APBB2: variants seen among roughly 807,000 people sequenced by gnomAD.
APBB2 encodes amyloid beta precursor protein binding family B member 2, also known as Fe65-like 1.
In APBB2, 38 loss-of-function variants were observed where a neutral mutation model predicts 82.5. The ratio of observed to expected loss-of-function variants is 0.46; its 90% CI spans 0.36 to 0.60. The LOEUF is 0.60. Among genes scored for constraint, APBB2 ranks in the 20% least tolerant of loss-of-function variants. The pLI, the probability that APBB2 is intolerant of heterozygous loss-of-function variation, is 0.00. For missense variants in APBB2, 772 were observed against 972.3 expected (o/e 0.79, Z 2.74); for synonymous variants, 341 against 368.2 (o/e 0.93, Z 0.85).
At chr4:41,019,560 G>A (rs16852720) in intron 5 of APBB2, among the ~76,000 whole-genome samples, 5,713 of 152,220 alleles carry the variant, frequency 0.038, 202 homozygotes, top group African/African-American at 0.097. Flanking sequence ...GGGAGACAAC[G>A]TTCAGAAATA....
chr4:40,862,423 G>A (rs550576427), intron 12 of APBB2, among the ~76,000 whole-genome samples: 1 of 152,312 alleles, frequency 6.6e-6, no homozygotes, highest in South Asian at 2.1e-4. Context: ...GAGGATAAGG[G>A]AATCCCTGAA....
intron 7 of APBB2, among the ~76,000 whole-genome samples, chr4:40,937,625 T>C (rs555624936): frequency 6.6e-6 from 1 of 152,326 alleles, no homozygotes; most frequent in South Asian, 2.1e-4. Context: ...AGTAAGGAAA[T>C]GGAAACTGGC....
intron 4 of APBB2, among the ~76,000 whole-genome samples, chr4:41,035,235 C>T (rs574309251): frequency 3.2e-4 from 49 of 152,298 alleles, no homozygotes; most frequent in Non-Finnish European, 5.7e-4. Context: ...CTAATCTAAC[C>T]TTTCCAAACT....
At chr4:41,130,856 G>A (rs1028092564) in intron 2 of APBB2, among the ~76,000 whole-genome samples, 3 of 151,936 alleles carry the variant, frequency 2.0e-5, no homozygotes, top group African/African-American at 7.3e-5. Context: ...AAGCTTCCTA[G>A]GATGGTCTGA....
intron 4 of APBB2, among the ~76,000 whole-genome samples, chr4:41,047,743 G>A (rs1365630065): frequency 6.6e-6 from 1 of 152,224 alleles, no homozygotes; most frequent in Non-Finnish European, 1.5e-5. Flanking sequence ...GAAGTAGAAA[G>A]TGGGATGAAG....
chr4:40,825,862 G>T, intron 15 of APBB2, 25 bp downstream of exon 15: 2 of 1,603,858 alleles, frequency 1.2e-6, no homozygotes, highest in Non-Finnish European at 1.7e-6. Context: ...TTGCAAAGTG[G>T]AAAGACAATA....
intron 6 of APBB2, 54 bp downstream of exon 6, chr4:41,013,529 G>GA (rs1808972493): frequency 1.3e-6 from 2 of 1,516,020 alleles, no homozygotes; most frequent in Non-Finnish European, 1.8e-6. Context: ...TCCAATAGTT[G>GA]AAAAGATAAA....
At chr4:41,149,303 TAGAA>T (rs1462260574) in intron 1 of APBB2, among the ~76,000 whole-genome samples, 1 of 152,184 alleles carries the variant, frequency 6.6e-6, no homozygotes, top group Non-Finnish European at 1.5e-5. Context: ...TAAATTATTT[TAGAA>T]ACTAAACTCA....
intron 1 of APBB2, among the ~76,000 whole-genome samples, chr4:41,190,628 A>C (rs1774178324): frequency 6.6e-6 from 1 of 152,144 alleles, no homozygotes; most frequent in Non-Finnish European, 1.5e-5. Context: ...CAGCATGGAA[A>C]AGGGATATGC....
At chr4:41,052,206 AAAAT>A (rs1314937443) in intron 4 of APBB2, among the ~76,000 whole-genome samples, 1 of 66,512 alleles carries the variant, frequency 1.5e-5, no homozygotes, top group Non-Finnish European at 2.9e-5. Context: ...TGTCTGTACA[AAAAT>A]ACATACATAC....
intron 4 of APBB2, among the ~76,000 whole-genome samples, chr4:41,059,692 T>C (rs1404173384): frequency 2.6e-5 from 4 of 152,400 alleles, no homozygotes; most frequent in South Asian, 2.1e-4. Context: ...CCTTAAGTGA[T>C]ACTTTTAGTT....
chr4:40,974,043 G>A (rs1199571277), intron 6 of APBB2, among the ~76,000 whole-genome samples: 1 of 151,808 alleles, frequency 6.6e-6, no homozygotes, highest in Admixed American at 6.6e-5. Context: ...TAGTAGAGAC[G>A]GGGTTTCATT....
intron 6 of APBB2, among the ~76,000 whole-genome samples, chr4:40,953,352 C>T (rs1387176013): frequency 6.7e-6 from 1 of 149,624 alleles, no homozygotes; most frequent in Non-Finnish European, 1.5e-5. Flanking sequence ...AGATGGACAG[C>T]ATTGGGAAAT....
chr4:41,017,867 G>A (rs1206382878), intron 5 of APBB2, among the ~76,000 whole-genome samples: 2 of 152,132 alleles, frequency 1.3e-5, no homozygotes, highest in Non-Finnish European at 2.9e-5. Context: ...GGGTTTAAGA[G>A]GATAGAGGTT....
At position 40,942,170 on chromosome 4, in the gene APBB2, C is replaced by T. The variant is rs568092577; in HGVS notation, c.1044+2695G>A. On this transcript the variant is annotated intron_variant, in intron 7 of 17. Transcript: ENST00000508593. ...CTTGGTTCTTTGACTTAACGGAGGACCTTATGTAGGGGGAGAAACACGTGT... is the reference window on the plus strand; with the variant it reads ...CTTGGTTCTTTGACTTAACGGAGGATCTTATGTAGGGGGAGAAACACGTGT... 4.8e-4 allele frequency among the ~76,000 whole-genome samples: 73 copies of T among 152,002 alleles called. 1 individual carries two copies. Among genetic ancestry groups the T allele is most frequent in the Non-Finnish European group, 9.7e-4 (66 of 68,012 alleles).
intron 7 of APBB2, chr4:40,935,377 AC>A: frequency 2.1e-6 from 1 of 486,966 alleles, no homozygotes; most frequent in Non-Finnish European, 3.6e-6. Context: ...AAATGACTAA[AC>A]ATTATTAGAA....
chr4:40,970,690 G>C (rs4861345), intron 6 of APBB2, among the ~76,000 whole-genome samples: 4 of 152,016 alleles, frequency 2.6e-5, no homozygotes, highest in Admixed American at 2.0e-4. Context: ...CCCACAATGA[G>C]GCACCACTGG....
chr4:41,134,252 G>A (rs1756912774), intron 2 of APBB2, among the ~76,000 whole-genome samples: 1 of 151,968 alleles, frequency 6.6e-6, no homozygotes, highest in East Asian at 2.0e-4. Flanking sequence ...AAAGGGCTGG[G>A]ATTACAGGTG....
chr4:41,173,779 T>C (rs1768989103), intron 1 of APBB2, among the ~76,000 whole-genome samples: 1 of 152,104 alleles, frequency 6.6e-6, no homozygotes, highest in South Asian at 2.1e-4. Context: ...TAATAAGCTA[T>C]ACCATCTAGG....
Sources: gnomAD v4.1 joint callset for allele counts (sites outside exome capture counted in the v4.1 genomes callset) on GRCh38, gnomAD v4.1.1 for gene constraint, MANE v1.5 for transcripts, NCBI Gene and HGNC (gene_info 2026-07-23, HGNC 2026-07-21) for gene names.